Variants in ELOVL7 observed in about 807,000 individuals in gnomAD.
ELOVL7 encodes ELOVL fatty acid elongase 7, also known as very long chain fatty acid elongase 7.
ELOVL7 carries 27 observed loss-of-function variants against 35.7 expected under a neutral mutation model. The ratio of observed to expected loss-of-function variants is 0.76; its 90% CI spans 0.56 to 1.04. The LOEUF (loss-of-function observed/expected upper bound fraction) is 1.04, where lower values mean the gene tolerates loss of function less well. Ranked by LOEUF, ELOVL7 falls within the 50% of genes least tolerant of loss-of-function variation. The pLI is 0.00. For missense variants in ELOVL7, 327 were observed against 340.8 expected (o/e 0.96, Z 0.32); for synonymous variants, 113 against 114.6 (o/e 0.99, Z 0.09).
chr5:60,831,602 T>A (rs1746482561), intron 1 of ELOVL7, among the ~76,000 whole-genome samples: 1 of 152,236 alleles, frequency 6.6e-6, no homozygotes, highest in South Asian at 2.1e-4. Context: ...TTACCTTCAT[T>A]AACATCCACA....
chr5:60,795,649 C>T (rs1579857593), intron 2 of ELOVL7, among the ~76,000 whole-genome samples: 3 of 152,206 alleles, frequency 2.0e-5, no homozygotes, highest in South Asian at 4.1e-4. Flanking sequence ...GTCGGAGACT[C>T]GCCACTGACT....
At chr5:60,768,015 T>G (rs1742350840) in intron 4 of ELOVL7, 112 bp from the exon 5 acceptor site, 1 of 747,798 alleles carries the variant, frequency 1.3e-6, no homozygotes, top group South Asian at 1.8e-5. Flanking sequence ...CAATAGTCAG[T>G]GCAGAGGAAA....
intron 1 of ELOVL7, among the ~76,000 whole-genome samples, chr5:60,811,289 T>C (rs1745224336): frequency 6.6e-6 from 1 of 152,210 alleles, no homozygotes; most frequent in Admixed American, 6.5e-5. Flanking sequence ...ACTATATATA[T>C]ACTACTATAT....
chr5:60,838,337 CAGA>C (rs1746954584), intron 1 of ELOVL7, among the ~76,000 whole-genome samples: 3 of 152,194 alleles, frequency 2.0e-5, no homozygotes, highest in South Asian at 2.1e-4. Flanking sequence ...TCTTTCCTCT[CAGA>C]AGGACTTCCT....
chr5:60,786,228 A>AT lies in ELOVL7; in HGVS notation c.64+1105dup, dbSNP rs200799908. On this transcript the variant is annotated intron_variant, in intron 3 of 8. Transcript: ENST00000508821. ...AAAATGAGGCATTAGCTTCGATGAT[A>AT]TCTAAGATCCATCTCAGTTCTAAGA... Among the ~76,000 whole-genome samples the AT allele has an allele frequency of 5.0e-3, 766 of 152,342 alleles. 8 individuals carry two copies. Among genetic ancestry groups the AT allele is most frequent in the Middle Eastern group, 6.8e-3 (2 of 292 alleles).
At chr5:60,834,612 G>A (rs1307828327) in intron 1 of ELOVL7, among the ~76,000 whole-genome samples, 1 of 152,046 alleles carries the variant, frequency 6.6e-6, no homozygotes, top group Non-Finnish European at 1.5e-5. Context: ...AGATCAGCTT[G>A]GGCAACATGG....
chr5:60,756,870 C>A lies in ELOVL7; in HGVS notation c.636+639G>T, dbSNP rs1018766597. Among the ~76,000 whole-genome samples the A allele has an allele frequency of 3.9e-5, 6 of 152,204 alleles. No homozygotes were observed. The East Asian group carries it at 5.8e-4, about 15-fold the overall frequency. ...GACACCAATAAAATGTAAAGCAAAT[C>A]ATCATCTCAAACCCATAATGAGTCT... On this transcript the variant is annotated intron_variant, in intron 8 of 8. Coordinates refer to ENST00000508821, the MANE Select transcript of ELOVL7 (RefSeq NM_024930.3).
At chr5:60,763,922 ATTAT>A (rs1002493298) in intron 7 of ELOVL7, among the ~76,000 whole-genome samples, 5 of 152,190 alleles carry the variant, frequency 3.3e-5, no homozygotes, top group South Asian at 2.1e-4. Context: ...TGATTTATTT[ATTAT>A]TTATTTATTT....
Position 60,786,958 on chromosome 5 carries a change from T to TA in ELOVL7, c.64+375dup, listed in dbSNP as rs879291486. Reference sequence around the variant, plus strand: ...TGGGCGACAGAGTGAGACTCTGTCTTAAAAAAAAAAAAAAGAGTTGGCATT... The same window carrying TA: ...TGGGCGACAGAGTGAGACTCTGTCTTAAAAAAAAAAAAAAAGAGTTGGCATT... On this transcript the variant is annotated intron_variant, in intron 3 of 8. Transcript: ENST00000508821. Among the ~76,000 whole-genome samples the TA allele has an allele frequency of 2.4e-3, 324 of 137,766 alleles. 1 individual carries two copies. Among genetic ancestry groups the TA allele is most frequent in the East Asian group, 7.2e-3 (34 of 4,720 alleles). The allele number at this position is 137,766 out of a possible 152,430, so 90.4% of individuals were successfully genotyped here. A position where few individuals can be genotyped will look rare whatever the true frequency, so the allele number is the denominator to read the frequency against.
chr5:60,820,439 T>C (rs764864001), intron 1 of ELOVL7, among the ~76,000 whole-genome samples: 2 of 152,222 alleles, frequency 1.3e-5, no homozygotes, highest in Non-Finnish European at 2.9e-5. Flanking sequence ...TAATACACTA[T>C]CTTTCGGTTT....
intron 3 of ELOVL7, among the ~76,000 whole-genome samples, chr5:60,780,660 C>A (rs1743193336): frequency 6.6e-6 from 1 of 152,158 alleles, no homozygotes; most frequent in Admixed American, 6.5e-5. Context: ...AACTTACAAT[C>A]ATGACATAAG....
chr5:60,798,791 A>C (rs1289662319), intron 2 of ELOVL7, among the ~76,000 whole-genome samples: 1 of 152,230 alleles, frequency 6.6e-6, no homozygotes, highest in Non-Finnish European at 1.5e-5. Context: ...TCAACATTGC[A>C]TAAATCATGA....
chr5:60,833,771 T>C (rs1746625149), intron 1 of ELOVL7, among the ~76,000 whole-genome samples: 1 of 152,320 alleles, frequency 6.6e-6, no homozygotes, highest in African/African-American at 2.4e-5. Context: ...ATGGGAAGAA[T>C]ACCACCTTCT....
chr5:60,758,960 A>G (rs1741713481), intron 7 of ELOVL7, among the ~76,000 whole-genome samples: 1 of 152,228 alleles, frequency 6.6e-6, no homozygotes, highest in Non-Finnish European at 1.5e-5. Flanking sequence ...AACACTATGA[A>G]TTACAGAAAG....
chr5:60,791,557 G>A (rs1240510424), intron 2 of ELOVL7, among the ~76,000 whole-genome samples: 1 of 152,108 alleles, frequency 6.6e-6, no homozygotes, highest in Non-Finnish European at 1.5e-5. Flanking sequence ...TGCCAATTTA[G>A]TAGGAAAACA....
intron 2 of ELOVL7, among the ~76,000 whole-genome samples, chr5:60,797,017 T>C (rs1187161845): frequency 2.0e-5 from 3 of 152,200 alleles, no homozygotes; most frequent in Non-Finnish European, 4.4e-5. Flanking sequence ...GAAGTGAATA[T>C]TTTTGAGGAA....
chr5:60,783,665 A>G (rs1009999049), intron 3 of ELOVL7, among the ~76,000 whole-genome samples: 1 of 152,216 alleles, frequency 6.6e-6, no homozygotes, highest in Admixed American at 6.5e-5. Flanking sequence ...CCTAAGCTCA[A>G]ATAATGAGAG....
At chr5:60,784,138 A>G in intron 3 of ELOVL7, 1 of 1,520,950 alleles carries the variant, frequency 6.6e-7, no homozygotes, top group Non-Finnish European at 8.8e-7. Context: ...CTAAGAGAGT[A>G]TTCTCTTCTT....
chr5:60,773,345 T>C (rs1455243249), intron 3 of ELOVL7, among the ~76,000 whole-genome samples: 2 of 152,212 alleles, frequency 1.3e-5, no homozygotes, highest in East Asian at 1.9e-4. Flanking sequence ...TCTTTTAAGC[T>C]GCTAATGATG....
Sources: allele counts gnomAD v4.1 joint callset (sites outside exome capture counted in the v4.1 genomes callset), GRCh38; gene constraint gnomAD v4.1.1; transcripts MANE v1.5; gene names NCBI Gene and HGNC (gene_info 2026-07-23, HGNC 2026-07-21).